CA10: variants seen among roughly 807,000 people sequenced by gnomAD.
CA10 encodes carbonic anhydrase-related protein 10.
In CA10, 14 loss-of-function variants were observed where a neutral mutation model predicts 44.2. That is an observed-to-expected ratio of 0.32 (90% CI 0.21 to 0.50). The LOEUF (loss-of-function observed/expected upper bound fraction) is 0.50. Ranked by LOEUF, CA10 falls within the 20% of genes least tolerant of loss-of-function variation. CA10 has a pLI of 0.99. For synonymous variants in CA10, 159 were observed against 141.6 expected, an observed-to-expected ratio of 1.12 and a Z score of -0.87; for missense variants, 350 against 409.7, an observed-to-expected ratio of 0.85 and a Z score of 1.26.
At chr17:51,816,157 T>C (rs1408565743) in intron 3 of CA10, among the ~76,000 whole-genome samples, 1 of 152,132 alleles carries the variant, frequency 6.6e-6, no homozygotes, top group Admixed American at 6.6e-5. Flanking sequence ...CACAAATAAG[T>C]GAGGACATGC....
chr17:51,891,200 T>C (rs1054873517), intron 3 of CA10, among the ~76,000 whole-genome samples: 3 of 151,972 alleles, frequency 2.0e-5, no homozygotes, highest in Non-Finnish European at 4.4e-5. Context: ...AGGTGCCATG[T>C]GGGGACTGAG....
At chr17:52,104,106 A>G (rs143680454) in intron 1 of CA10, among the ~76,000 whole-genome samples, 34 of 152,280 alleles carry the variant, frequency 2.2e-4, no homozygotes, top group African/African-American at 7.0e-4. Context: ...ATATAAGGAC[A>G]TCTGTTAGGC....
At chr17:51,887,818 C>T (rs1567873978) in intron 3 of CA10, among the ~76,000 whole-genome samples, 1 of 147,948 alleles carries the variant, frequency 6.8e-6, no homozygotes, top group East Asian at 2.0e-4. Context: ...GGTGAAACCC[C>T]TAAACCCCTT....
intron 3 of CA10, among the ~76,000 whole-genome samples, chr17:51,858,449 A>G (rs1402913321): frequency 6.6e-6 from 1 of 152,182 alleles, no homozygotes; most frequent in Non-Finnish European, 1.5e-5. Context: ...ATTTCAAGCA[A>G]CAAAACAGTC....
At chr17:51,940,141 A>G (rs1343941999) in intron 2 of CA10, among the ~76,000 whole-genome samples, 2 of 152,126 alleles carry the variant, frequency 1.3e-5, no homozygotes, top group Non-Finnish European at 2.9e-5. Context: ...AGCATTATTT[A>G]TTAAACAAAC....
In CA10 at chr17:51,633,634, A is replaced by G; in HGVS notation, c.806T>C (p.Leu269Pro). The G allele has an allele frequency of 6.2e-7, 1 of 1,613,790 alleles. No individual in the cohort carries two copies. Among genetic ancestry groups the G allele is most frequent in the Non-Finnish European group, 8.5e-7 (1 of 1,179,842 alleles). ...ITRMQMHSLRLLSQNQPSQIF... is the reference protein window; with the variant it reads ...ITRMQMHSLRPLSQNQPSQIF... ...CTGAGATGGCTGGTTCTGGCTGAGC[A>G]GGCGCAAGGAATGCATCTGAGGAGA... is the stretch of plus-strand genomic sequence containing the variant. The change falls in exon 8 of 9, where the codon CTG becomes CCG. Residue 269 changes from leucine (L) to proline (P), a missense_variant. Leu to Pro is a moderately conservative substitution (Grantham distance 98). Coordinates refer to ENST00000451037, the MANE Select transcript of CA10 (RefSeq NM_020178.5).
At chr17:51,977,019 A>C (rs1388893740) in intron 2 of CA10, among the ~76,000 whole-genome samples, 1 of 152,004 alleles carries the variant, frequency 6.6e-6, no homozygotes, top group Non-Finnish European at 1.5e-5. Context: ...GGAAATGGAA[A>C]GTGTGACCAA....
At chr17:51,650,051 A>G (rs1408596275) in intron 5 of CA10, among the ~76,000 whole-genome samples, 2 of 152,160 alleles carry the variant, frequency 1.3e-5, no homozygotes, top group South Asian at 4.1e-4. Context: ...ATTATGGGCC[A>G]AACATTGTAC....
intron 8 of CA10, among the ~76,000 whole-genome samples, chr17:51,632,658 A>G (rs1361843810): frequency 6.6e-6 from 1 of 152,186 alleles, no homozygotes; most frequent in Non-Finnish European, 1.5e-5. Flanking sequence ...GGGGTAAACA[A>G]TGTGGCTGGG....
intron 3 of CA10, among the ~76,000 whole-genome samples, chr17:51,854,987 T>C (rs1049671995): frequency 2.6e-5 from 4 of 152,150 alleles, no homozygotes; most frequent in African/African-American, 9.7e-5. Flanking sequence ...CCAGAGTCAG[T>C]GCTCTGATGC....
At position 51,885,990 on chromosome 17, in the gene CA10, C is replaced by T. The variant is rs564244667; in HGVS notation, c.279+45000G>A. 1.2e-3 allele frequency among the ~76,000 whole-genome samples: 187 copies of T among 152,294 alleles called. 4 individuals are homozygous for T. The South Asian group carries it at 0.022, about 18-fold the overall frequency. ...AAGGCATTTTGGAAGTTACAATAAA[C>T]AAAAGCCTTCGAGAAAAGGCCTTAG... On this transcript the variant is annotated intron_variant, in intron 3 of 8. Coordinates refer to ENST00000451037, the MANE Select transcript of CA10 (RefSeq NM_020178.5).
At chr17:52,044,281 G>A (rs955529758) in intron 2 of CA10, among the ~76,000 whole-genome samples, 1 of 151,966 alleles carries the variant, frequency 6.6e-6, no homozygotes, top group East Asian at 1.9e-4. Flanking sequence ...TTAGTCTTGA[G>A]AGGTTGTATG....
intron 3 of CA10, among the ~76,000 whole-genome samples, chr17:51,882,566 T>A (rs556762783): frequency 1.6e-4 from 25 of 152,302 alleles, no homozygotes; most frequent in African/African-American, 5.5e-4. Context: ...CATAGTCAAG[T>A]CTATGATGGT....
At chr17:52,097,797 G>A (rs1282347242) in intron 1 of CA10, among the ~76,000 whole-genome samples, 1 of 152,188 alleles carries the variant, frequency 6.6e-6, no homozygotes, top group Non-Finnish European at 1.5e-5. Context: ...AACATGGTAA[G>A]CCCAGTAATA....
At chr17:51,717,668 T>G (rs1459624371) in intron 4 of CA10, among the ~76,000 whole-genome samples, 3 of 91,910 alleles carry the variant, frequency 3.3e-5, no homozygotes, top group Admixed American at 2.6e-4. Context: ...TATATATACA[T>G]GTATATATGT....
chr17:51,939,124 A>G (rs1567892756), intron 2 of CA10, among the ~76,000 whole-genome samples: 1 of 152,098 alleles, frequency 6.6e-6, no homozygotes, highest in Non-Finnish European at 1.5e-5. Flanking sequence ...ATACATACAA[A>G]TATATACACA....
At chr17:51,808,813 G>T (rs1224485430) in intron 3 of CA10, among the ~76,000 whole-genome samples, 3 of 152,102 alleles carry the variant, frequency 2.0e-5, no homozygotes, top group African/African-American at 7.2e-5. Context: ...CGTTTAGGTA[G>T]GAGAACTAGA....
At chr17:51,863,680 T>C (rs972181987) in intron 3 of CA10, among the ~76,000 whole-genome samples, 1 of 152,130 alleles carries the variant, frequency 6.6e-6, no homozygotes, top group African/African-American at 2.4e-5. Context: ...TCAGGTTTGG[T>C]AATTCAATAG....
At position 51,717,779 on chromosome 17, in the gene CA10, GCA is replaced by G. The variant is rs1916192662; in HGVS notation, c.465+29852_465+29853del. Among the ~76,000 whole-genome samples the G allele has an allele frequency of 1.8e-4, 8 of 44,692 alleles. 2 individuals are homozygous for G. The highest frequency in any genetic ancestry group is 6.4e-4 in the Admixed American group (2 of 3,102). 29.3% of individuals were successfully genotyped at this position (44,692 alleles called of 152,430 possible). A position where few individuals can be genotyped will look rare whatever the true frequency, so the allele number is the denominator to read the frequency against. On this transcript the variant is annotated intron_variant, in intron 4 of 8. Coordinates refer to ENST00000451037, the MANE Select transcript of CA10 (RefSeq NM_020178.5). Reference sequence around the variant, plus strand: ...TATACGTATATATGTATACATATATGCATGTATATATGTATATGTGTATATAT... The same window carrying G: ...TATACGTATATATGTATACATATATGTGTATATATGTATATGTGTATATAT...
Sources: allele counts gnomAD v4.1 joint callset (sites outside exome capture counted in the v4.1 genomes callset), GRCh38; gene constraint gnomAD v4.1.1; transcripts MANE v1.5; gene names NCBI Gene and HGNC (gene_info 2026-07-23, HGNC 2026-07-21).